The following ARHGAP24 variants were observed in gnomAD, a reference collection of about 807,000 sequenced individuals.
The protein encoded by ARHGAP24 is rho GTPase-activating protein 24.
A neutral mutation model predicts 76.4 loss-of-function variants in ARHGAP24; 50 were observed. The observed-to-expected ratio is 0.65, with a 90% confidence interval of 0.52 to 0.83. ARHGAP24 has a LOEUF of 0.83. ARHGAP24 is among the 40% of genes least tolerant of loss of function. ARHGAP24 has a pLI of 0.00. For missense variants in ARHGAP24, 930 were observed against 914.2 expected (o/e 1.02, Z -0.22); for synonymous variants, 345 against 323.3 (o/e 1.07, Z -0.72).
At chr4:85,630,322 C>A (rs1723904276) in intron 2 of ARHGAP24, among the ~76,000 whole-genome samples, 1 of 152,040 alleles carries the variant, frequency 6.6e-6, no homozygotes, top group African/African-American at 2.4e-5. Flanking sequence ...TTTTTGAATT[C>A]TTTTTCAGAC....
intron 2 of ARHGAP24, among the ~76,000 whole-genome samples, chr4:85,600,734 A>G (rs1257739614): frequency 1.3e-5 from 2 of 152,210 alleles, no homozygotes; most frequent in Non-Finnish European, 2.9e-5. Flanking sequence ...TTTCATAAAT[A>G]TGCTTTTCAT....
At chr4:85,681,600 G>A (rs1334223955) in intron 2 of ARHGAP24, among the ~76,000 whole-genome samples, 2 of 152,164 alleles carry the variant, frequency 1.3e-5, no homozygotes, top group Admixed American at 1.3e-4. Context: ...GAGAGTACCC[G>A]AGTTTTCTAG....
In ARHGAP24 at chr4:85,942,205, A is replaced by AG. The variant is rs777152535; in HGVS notation, c.533dup (p.Gln179ProfsTer3). Reference sequence around the variant, plus strand: ...AAGAAGAGGGTCTCTTTCGACTGCCAGGCCAGGCTAATCTTGTTAAGGAGC... The same window carrying AG: ...AAGAAGAGGGTCTCTTTCGACTGCCAGGGCCAGGCTAATCTTGTTAAGGAGC... On this transcript the variant is annotated frameshift_variant, in exon 5 of 10. Coordinates refer to ENST00000395184, the MANE Select transcript of ARHGAP24 (RefSeq NM_001025616.3). LOFTEE classifies it high-confidence loss of function. 2 of 1,614,134 alleles carry AG rather than the reference A, an allele frequency of 1.2e-6. No homozygotes were observed. Among genetic ancestry groups the AG allele is most frequent in the Non-Finnish European group, 1.7e-6 (2 of 1,180,012 alleles).
chr4:85,847,596 T>C (rs1730960643), intron 3 of ARHGAP24, among the ~76,000 whole-genome samples: 1 of 152,118 alleles, frequency 6.6e-6, no homozygotes, highest in Non-Finnish European at 1.5e-5. Flanking sequence ...AAGGCTGCTG[T>C]GTGATGAGCT....
intron 2 of ARHGAP24, among the ~76,000 whole-genome samples, chr4:85,619,880 TA>T (rs904277427): frequency 2.6e-5 from 4 of 151,972 alleles, no homozygotes; most frequent in Non-Finnish European, 4.4e-5. Context: ...GAAATGATCT[TA>T]TTTTTTTTCA....
chr4:85,894,822 G>A (rs1387521086), intron 3 of ARHGAP24, among the ~76,000 whole-genome samples: 6 of 151,766 alleles, frequency 4.0e-5, no homozygotes, highest in East Asian at 3.9e-4. Context: ...TTAGCTGGGC[G>A]TGGAGTCACA....
intron 1 of ARHGAP24, among the ~76,000 whole-genome samples, chr4:85,480,735 T>A (rs566497782): frequency 1.1e-4 from 17 of 152,252 alleles, no homozygotes; most frequent in East Asian, 9.7e-4. Context: ...CTACATTTTT[T>A]AAAAAATGTA....
chr4:85,627,930 G>A (rs1033582763), intron 2 of ARHGAP24, among the ~76,000 whole-genome samples: 2 of 152,108 alleles, frequency 1.3e-5, no homozygotes, highest in East Asian at 1.9e-4. Context: ...TTGGAAAAGC[G>A]CAGTATTAGG....
intron 1 of ARHGAP24, among the ~76,000 whole-genome samples, chr4:85,485,889 T>A (rs960105559): frequency 1.3e-5 from 2 of 151,886 alleles, no homozygotes; most frequent in Non-Finnish European, 1.5e-5. Flanking sequence ...TGCGCCACCA[T>A]GCCTGACTAC....
intron 2 of ARHGAP24, among the ~76,000 whole-genome samples, chr4:85,577,316 A>G (rs1365298506): frequency 1.3e-5 from 2 of 151,904 alleles, no homozygotes. Context: ...TATTCTAGGT[A>G]AGTAAGGAAA....
chr4:85,778,792 T>C (rs1727409455), intron 3 of ARHGAP24: 1 of 985,390 alleles, frequency 1.0e-6, no homozygotes, highest in Non-Finnish European at 1.2e-6. Context: ...ACAAGAAAAC[T>C]TAAATATAGC....
intron 3 of ARHGAP24, among the ~76,000 whole-genome samples, chr4:85,843,920 A>C (rs1385991467): frequency 6.6e-6 from 1 of 152,190 alleles, no homozygotes; most frequent in African/African-American, 2.4e-5. Flanking sequence ...ATAAAATTTT[A>C]TCACTGAGTT....
intron 1 of ARHGAP24, among the ~76,000 whole-genome samples, chr4:85,528,521 T>C (rs1202602028): frequency 1.3e-5 from 2 of 152,008 alleles, no homozygotes; most frequent in Non-Finnish European, 2.9e-5. Context: ...ATAGGCAAGA[T>C]GTAATTCGGT....
At chr4:85,721,406 CAA>C (rs11409263) in intron 2 of ARHGAP24, among the ~76,000 whole-genome samples, 5 of 107,266 alleles carry the variant, frequency 4.7e-5, no homozygotes, top group African/African-American at 9.0e-5. Flanking sequence ...AAAAAACAAA[CAA>C]AAAAAAAAAA....
chr4:85,890,472 T>C (rs1349188408), intron 3 of ARHGAP24, among the ~76,000 whole-genome samples: 1 of 152,132 alleles, frequency 6.6e-6, no homozygotes, highest in Non-Finnish European at 1.5e-5. Flanking sequence ...TGGGTGGTGA[T>C]GGAAGCGTGA....
Position 85,995,161 on chromosome 4 carries a change from T to G in ARHGAP24, c.1507T>G (p.Trp503Gly). 2 of 1,613,992 alleles carry G rather than the reference T, an allele frequency of 1.2e-6. No individual in the cohort carries two copies. Among genetic ancestry groups the G allele is most frequent in the Non-Finnish European group, 1.7e-6 (2 of 1,180,020 alleles). Residue 503 changes from tryptophan to glycine, a missense_variant, in exon 9 of 10, where the codon TGG (tryptophan) becomes GGG (glycine). Trp to Gly is a radical substitution (Grantham distance 184, BLOSUM62 -2). Coordinates refer to ENST00000395184, the MANE Select transcript of ARHGAP24 (RefSeq NM_001025616.3). ...GNPTNVRNMS[W>G]LPNGYVTLRD... ...CCCCACAAATGTTCGAAACATGAGC[T>G]GGCTGCCAAATGGCTATGTGACCCT...
intron 3 of ARHGAP24, among the ~76,000 whole-genome samples, chr4:85,910,673 A>T (rs1735026415): frequency 6.6e-6 from 1 of 151,944 alleles, no homozygotes; most frequent in Non-Finnish European, 1.5e-5. Context: ...TAGCAGAGAG[A>T]GTAGCTCCTC....
At chr4:85,495,594 C>T (rs987635824) in intron 1 of ARHGAP24, among the ~76,000 whole-genome samples, 2 of 151,784 alleles carry the variant, frequency 1.3e-5, no homozygotes, top group African/African-American at 2.4e-5. Context: ...CCTGGTGATC[C>T]GCCCGCCTCG....
chr4:85,760,624 A>G (rs146366099), intron 3 of ARHGAP24, among the ~76,000 whole-genome samples: 1 of 152,314 alleles, frequency 6.6e-6, no homozygotes, highest in African/African-American at 2.4e-5. Flanking sequence ...TTGGAGCAGT[A>G]CTTGAGCCAA....
Sources: allele counts gnomAD v4.1 joint callset (sites outside exome capture counted in the v4.1 genomes callset), GRCh38; gene constraint gnomAD v4.1.1; transcripts MANE v1.5; gene names NCBI Gene and HGNC (gene_info 2026-07-23, HGNC 2026-07-21).